Variants in LSP1 observed in about 807,000 individuals in gnomAD.
LSP1 encodes the protein lymphocyte-specific protein 1.
A neutral mutation model predicts 49.3 loss-of-function variants in LSP1; 32 were observed. The ratio of observed to expected loss-of-function variants is 0.65; its 90% CI spans 0.49 to 0.87. The LOEUF is 0.87. Among genes scored for constraint, LSP1 ranks in the 40% least tolerant of loss-of-function variants. The pLI is 0.00. For synonymous variants in LSP1, 179 were observed against 178.8 expected, an observed-to-expected ratio of 1.00 and a Z score of -0.01; for missense variants, 428 against 442.6, an observed-to-expected ratio of 0.97 and a Z score of 0.30.
chr11:1,855,092 C>T (rs934350537), intron 1 of LSP1, among the ~76,000 whole-genome samples: 10 of 152,162 alleles, frequency 6.6e-5, no homozygotes, highest in Middle Eastern at 3.2e-3. Flanking sequence ...AAGCCTGGAC[C>T]CCCTCCTTGG....
At position 1,884,614 on chromosome 11, in the gene LSP1, C is replaced by A; in HGVS notation, c.717+33C>A. On this transcript the variant is annotated intron_variant, in intron 7 of 10. Transcript: ENST00000311604. This position sits in a 1 kb window ranked among gnomAD's most constrained non-coding sequence, Gnocchi z 4.1. ...CTGGCTCCCCTCTGCTGTCAGGTCCCTCCTGCATCCTGGCACCATTCCTTC... is the reference window on the plus strand; with the variant it reads ...CTGGCTCCCCTCTGCTGTCAGGTCCATCCTGCATCCTGGCACCATTCCTTC... The A allele has an allele frequency of 6.4e-7, 1 of 1,571,552 alleles. No homozygotes were observed. Among genetic ancestry groups the A allele is most frequent in the Non-Finnish European group, 8.8e-7 (1 of 1,142,190 alleles).
intron 1 of LSP1, among the ~76,000 whole-genome samples, chr11:1,862,871 G>C (rs973759697): frequency 3.3e-5 from 5 of 152,062 alleles, no homozygotes; most frequent in African/African-American, 1.2e-4. Flanking sequence ...CTAAACATTT[G>C]TCCAACCTGA....
At chr11:1,891,500 T>A (rs1849000046) in intron 10 of LSP1, 1 of 152,238 alleles carries the variant, frequency 6.6e-6, no homozygotes, top group African/African-American at 2.4e-5. Flanking sequence ...GCTCCCAGGG[T>A]GGGCAGGCTG....
intron 10 of LSP1, chr11:1,888,949 C>T: frequency 2.0e-6 from 1 of 511,634 alleles, no homozygotes; most frequent in Non-Finnish European, 3.4e-6. Flanking sequence ...TCCTCTCTGC[C>T]CCGTCCACCT....
intron 1 of LSP1, among the ~76,000 whole-genome samples, chr11:1,853,993 C>T (rs542005463): frequency 4.2e-4 from 64 of 152,210 alleles, no homozygotes; most frequent in Non-Finnish European, 7.2e-4. Context: ...GGGGAGCTGC[C>T]GGCCAGCAGG....
chr11:1,884,474 G>A lies in LSP1; in HGVS notation c.636-26G>A. On this transcript the variant is annotated intron_variant, in intron 6 of 10. Coordinates refer to ENST00000311604, the MANE Select transcript of LSP1 (RefSeq NM_002339.3). This position sits in a 1 kb window ranked among gnomAD's most constrained non-coding sequence, Gnocchi z 4.1. ...GGGAGAAGCCTTGTGGGAGACATGG[G>A]GCCTGACACATCTTCTACCCTCCAG... is the stretch of plus-strand genomic sequence containing the variant. 1 of 1,608,340 alleles carries A rather than the reference G, an allele frequency of 6.2e-7. No individual in the cohort carries two copies. Among genetic ancestry groups the A allele is most frequent in the Admixed American group, 1.7e-5 (1 of 59,988 alleles).
chr11:1,879,806 G>A (rs996955228), intron 1 of LSP1, among the ~76,000 whole-genome samples: 17 of 152,140 alleles, frequency 1.1e-4, no homozygotes, highest in Admixed American at 9.2e-4. Context: ...GCTTGAATGG[G>A]CCTTGGAGTC....
chr11:1,886,601 C>T (rs1848760486), intron 7 of LSP1, 131 bp from the exon 8 acceptor site: 1 of 1,036,092 alleles, frequency 9.7e-7, no homozygotes, highest in East Asian at 2.5e-5. Context: ...GATCCCCACT[C>T]TGGGGCTGCA....
At chr11:1,876,766 C>T (rs1394176303) in intron 1 of LSP1, 3 of 511,538 alleles carry the variant, frequency 5.9e-6, no homozygotes, top group Non-Finnish European at 7.6e-6. Flanking sequence ...CGTCCCGAGT[C>T]GGGGGGTGCT....
At chr11:1,878,349 C>G (rs1260295254) in intron 1 of LSP1, among the ~76,000 whole-genome samples, 2 of 152,186 alleles carry the variant, frequency 1.3e-5, no homozygotes, top group Non-Finnish European at 2.9e-5. Context: ...ATGCGGAGGC[C>G]GGCAGAAGCG....
At chr11:1,874,120 GGGA>G (rs1294450787) in intron 1 of LSP1, among the ~76,000 whole-genome samples, 3 of 138,292 alleles carry the variant, frequency 2.2e-5, no homozygotes, top group African/African-American at 2.8e-5. Flanking sequence ...AGGGAGGCTG[GGGA>G]CAGTGGGGGC....
In LSP1 at chr11:1,881,445, C is replaced by G; in HGVS notation, c.205C>G (p.Pro69Ala). 1 of 1,573,784 alleles carries G rather than the reference C, an allele frequency of 6.4e-7. No homozygotes were observed. The highest frequency in any genetic ancestry group is 8.6e-7 in the Non-Finnish European group (1 of 1,159,074). The part of the protein sequence containing the change: ...PKQEMLLSLK[P>A]SEAPELDEDE... ...TGCTACCCTCAGCCTCAGCCTGAAG[C>G]CCTCGGAGGCCCCTGAACTGGATGA... Residue 69 changes from proline (P) to alanine (A), a missense_variant, in exon 3 of 11, where the codon CCC (proline) becomes GCC (alanine). Pro to Ala is a conservative substitution (Grantham distance 27, BLOSUM62 -1). Transcript: ENST00000311604.
chr11:1,889,780 G>A, intron 10 of LSP1: 1 of 649,712 alleles, frequency 1.5e-6, no homozygotes, highest in East Asian at 2.7e-5. Flanking sequence ...GGGGCTATGG[G>A]CACCACAACC....
At chr11:1,879,638 G>A (rs576222328) in intron 1 of LSP1, among the ~76,000 whole-genome samples, 4 of 152,336 alleles carry the variant, frequency 2.6e-5, no homozygotes, top group African/African-American at 7.2e-5. Context: ...TGGAGGTGCC[G>A]CCTGGCGGTG....
At chr11:1,885,715 C>T (rs916689264) in intron 7 of LSP1, among the ~76,000 whole-genome samples, 11 of 151,866 alleles carry the variant, frequency 7.2e-5, no homozygotes, top group Admixed American at 5.2e-4. Flanking sequence ...CCACCCAGTG[C>T]CCCTCCATCC....
At chr11:1,855,766 G>A (rs1847473023) in intron 1 of LSP1, among the ~76,000 whole-genome samples, 1 of 152,204 alleles carries the variant, frequency 6.6e-6, no homozygotes, top group Non-Finnish European at 1.5e-5. Flanking sequence ...GGGCAGGGAC[G>A]AGGATTTCAC....
chr11:1,861,036 C>T (rs138422235), intron 1 of LSP1, among the ~76,000 whole-genome samples: 2 of 152,132 alleles, frequency 1.3e-5, no homozygotes, highest in Non-Finnish European at 2.9e-5. Flanking sequence ...CAATTGAATC[C>T]GTGCTGAGTA....
chr11:1,861,703 AT>A (rs1847635223), intron 1 of LSP1, among the ~76,000 whole-genome samples: 1 of 140,000 alleles, frequency 7.1e-6, no homozygotes, highest in Admixed American at 7.2e-5. Flanking sequence ...GGGTGGATGG[AT>A]GGATGGATGG....
At chr11:1,863,684 G>A (rs1847701745) in intron 1 of LSP1, 1 of 152,262 alleles carries the variant, frequency 6.6e-6, no homozygotes, top group Admixed American at 6.5e-5. Flanking sequence ...GTTCTCCAGT[G>A]AGTCACAGCA....
Sources: allele counts gnomAD v4.1 joint callset (sites outside exome capture counted in the v4.1 genomes callset), GRCh38; gene constraint gnomAD v4.1.1; non-coding constraint Gnocchi (gnomAD v3.1); transcripts MANE v1.5; gene names NCBI Gene and HGNC (gene_info 2026-07-23, HGNC 2026-07-21).